Variants in FSTL5 observed in about 807,000 individuals in gnomAD.
The protein encoded by FSTL5 is follistatin-related protein 5.
Under a neutral mutation model 89.1 loss-of-function variants are expected in FSTL5, and 62 were observed. The ratio of observed to expected loss-of-function variants is 0.70; its 90% CI spans 0.57 to 0.86. The LOEUF is 0.86. FSTL5 is among the 40% of genes least tolerant of loss of function. The probability of loss-of-function intolerance (pLI) is 0.00; values close to 1 mark genes in which losing one functional copy is unlikely to be tolerated. For missense variants in FSTL5, 1,057 were observed against 1,001.6 expected (o/e 1.06, Z -0.75); for synonymous variants, 383 against 346.2 (o/e 1.11, Z -1.18).
intron 7 of FSTL5, among the ~76,000 whole-genome samples, chr4:161,611,190 GTATATGTGTATA>G (rs1337925106): frequency 7.2e-6 from 1 of 138,976 alleles, no homozygotes; most frequent in Non-Finnish European, 1.5e-5. Flanking sequence ...GTATATATGT[GTATATGTGTATA>G]TATATGTGTA....
At chr4:161,889,864 T>C (rs1732931830) in intron 4 of FSTL5, among the ~76,000 whole-genome samples, 1 of 152,332 alleles carries the variant, frequency 6.6e-6, no homozygotes, top group Non-Finnish European at 1.5e-5. Flanking sequence ...TTCTATGTTT[T>C]ATACTGCTTT....
intron 12 of FSTL5, among the ~76,000 whole-genome samples, chr4:161,488,259 C>A (rs1729747388): frequency 6.6e-6 from 1 of 151,982 alleles, no homozygotes; most frequent in South Asian, 2.1e-4. Context: ...AGTAGTCTTT[C>A]TCATATTAGT....
At chr4:161,968,930 G>T in intron 3 of FSTL5, among the ~76,000 whole-genome samples, 1 of 124,090 alleles carries the variant, frequency 8.1e-6, no homozygotes, top group East Asian at 3.0e-4. Context: ...CCAAGACACA[G>T]ACATACACAC....
intron 3 of FSTL5, among the ~76,000 whole-genome samples, chr4:161,938,874 A>AT (rs953721852): frequency 2.6e-5 from 4 of 151,836 alleles, no homozygotes; most frequent in East Asian, 3.9e-4. Context: ...AAACTTAAGT[A>AT]TTTTTTTTAA....
At chr4:161,840,403 A>T (rs192314346) in intron 4 of FSTL5, among the ~76,000 whole-genome samples, 109 of 152,320 alleles carry the variant, frequency 7.2e-4, no homozygotes, top group Non-Finnish European at 1.5e-4. Flanking sequence ...TATCTAAAAC[A>T]ACCGTTATAC....
intron 2 of FSTL5, chr4:162,043,221 T>C (rs1383430629): frequency 6.6e-6 from 1 of 152,184 alleles, no homozygotes; most frequent in African/African-American, 2.4e-5. Context: ...ACACGAACTA[T>C]GGGGAAGATC....
At chr4:161,702,182 T>C (rs532718471) in intron 6 of FSTL5, among the ~76,000 whole-genome samples, 2 of 152,298 alleles carry the variant, frequency 1.3e-5, no homozygotes, top group East Asian at 1.9e-4. Context: ...TTGAAATTCA[T>C]TGCTTAGCGA....
At chr4:161,575,551 T>C (rs1027199675) in intron 8 of FSTL5, among the ~76,000 whole-genome samples, 1 of 152,086 alleles carries the variant, frequency 6.6e-6, no homozygotes, top group Admixed American at 6.6e-5. Context: ...CCCCCTGGAT[T>C]CAAATGAATC....
rs543963130 is a variant in FSTL5 at position 161,960,129 on chromosome 4, T to C, written c.161-39477A>G. 8.1e-4 allele frequency among the ~76,000 whole-genome samples: 123 copies of C among 151,252 alleles called. 1 individual carries two copies. Among genetic ancestry groups the C allele is most frequent in the South Asian group, 3.1e-3 (15 of 4,802 alleles). On this transcript the variant is annotated intron_variant, in intron 3 of 15. Coordinates refer to ENST00000306100, the MANE Select transcript of FSTL5 (RefSeq NM_020116.5). ...TATTTATTCCTATGCTGAAAATCAA[T>C]AAACAGATTAAGAAAACCAGAATTT... is the stretch of plus-strand genomic sequence containing the variant.
In FSTL5 at chr4:161,646,202, G is replaced by A. The variant is rs1249118155; in HGVS notation, c.894+10126C>T. Among the ~76,000 whole-genome samples the A allele has an allele frequency of 4.7e-5, 7 of 147,792 alleles. No individual in the cohort carries two copies. The Admixed American group carries it at 4.8e-4, about 10-fold the overall frequency. ...ATATATCATATATAATGTATATCAT[G>A]TATAATATATATCATGTACAATGTA... On this transcript the variant is annotated intron_variant, in intron 7 of 15. Transcript: ENST00000306100.
chr4:161,519,118 C>T (rs1730937521), intron 10 of FSTL5, among the ~76,000 whole-genome samples: 1 of 152,198 alleles, frequency 6.6e-6, no homozygotes, highest in South Asian at 2.1e-4. Context: ...TCGGAAGACA[C>T]TCATCTTCAC....
At chr4:161,842,602 C>CA in intron 4 of FSTL5, among the ~76,000 whole-genome samples, 1 of 151,980 alleles carries the variant, frequency 6.6e-6, no homozygotes, top group African/African-American at 2.4e-5. Flanking sequence ...TCCTATGTCC[C>CA]AAAAATCTTT....
chr4:161,991,645 G>A (rs1414495595), intron 3 of FSTL5, among the ~76,000 whole-genome samples: 1 of 152,124 alleles, frequency 6.6e-6, no homozygotes, highest in Non-Finnish European at 1.5e-5. Context: ...GCCCGTGTAT[G>A]CAGAGGGCCG....
At chr4:161,988,362 C>A (rs531051020) in intron 3 of FSTL5, among the ~76,000 whole-genome samples, 1 of 151,988 alleles carries the variant, frequency 6.6e-6, no homozygotes, top group Non-Finnish European at 1.5e-5. Flanking sequence ...AATAAAAGTT[C>A]ATACAGGAAA....
At chr4:162,148,646 T>C (rs1733099996) in intron 1 of FSTL5, among the ~76,000 whole-genome samples, 1 of 152,184 alleles carries the variant, frequency 6.6e-6, no homozygotes, top group Non-Finnish European at 1.5e-5. Flanking sequence ...TAAATTATCA[T>C]CTTTGTAGTT....
intron 6 of FSTL5, among the ~76,000 whole-genome samples, chr4:161,662,846 C>T (rs1219281756): frequency 6.6e-6 from 1 of 152,108 alleles, no homozygotes; most frequent in African/African-American, 2.4e-5. Flanking sequence ...TAAAGACATA[C>T]CTGAGACTGG....
chr4:161,927,084 C>G (rs1734147453), intron 3 of FSTL5, among the ~76,000 whole-genome samples: 1 of 151,660 alleles, frequency 6.6e-6, no homozygotes, highest in Non-Finnish European at 1.5e-5. Context: ...TTGAGTGACA[C>G]TCAGAAAAAA....
At chr4:162,089,497 G>A (rs1730453375) in intron 2 of FSTL5, among the ~76,000 whole-genome samples, 1 of 151,784 alleles carries the variant, frequency 6.6e-6, no homozygotes, top group Admixed American at 6.6e-5. Flanking sequence ...GCCAGACATG[G>A]TGGGGTGCAC....
At chr4:161,997,643 T>C (rs1036567003) in intron 3 of FSTL5, among the ~76,000 whole-genome samples, 13 of 150,194 alleles carry the variant, frequency 8.7e-5, no homozygotes, top group African/African-American at 2.9e-4. Flanking sequence ...CTTGCTCTGT[T>C]GCCCAGGCTG....
Sources: allele counts gnomAD v4.1 joint callset (sites outside exome capture counted in the v4.1 genomes callset), GRCh38; gene constraint gnomAD v4.1.1; transcripts MANE v1.5; gene names NCBI Gene and HGNC (gene_info 2026-07-23, HGNC 2026-07-21).